SENP6: variants seen among roughly 807,000 people sequenced by gnomAD.
SENP6 encodes SUMO specific peptidase 6, also known as sentrin-specific protease 6.
In SENP6, 41 loss-of-function variants were observed where a neutral mutation model predicts 134.5. That is an observed-to-expected ratio of 0.30 (90% CI 0.24 to 0.40). The LOEUF (loss-of-function observed/expected upper bound fraction) is 0.40. SENP6 is among the 10% of genes least tolerant of loss of function. The pLI is 1.00. For missense variants in SENP6, 1,248 were observed against 1,312.5 expected (o/e 0.95, Z 0.76); for synonymous variants, 395 against 429.8 (o/e 0.92, Z 1.00).
At chr6:75,685,596 G>A (rs1279661906) in intron 16 of SENP6, among the ~76,000 whole-genome samples, 3 of 152,122 alleles carry the variant, frequency 2.0e-5, no homozygotes, top group African/African-American at 7.2e-5. Flanking sequence ...CTGGTACGTT[G>A]TGCCTTTGTT....
At chr6:75,656,400 A>C (rs1771342959) in intron 7 of SENP6, among the ~76,000 whole-genome samples, 1 of 152,078 alleles carries the variant, frequency 6.6e-6, no homozygotes, top group Non-Finnish European at 1.5e-5. Context: ...TAATCTGTTG[A>C]GGATTTGAGG....
At chr6:75,652,129 A>G (rs370713823) in intron 7 of SENP6, among the ~76,000 whole-genome samples, 3 of 152,056 alleles carry the variant, frequency 2.0e-5, no homozygotes, top group Admixed American at 2.0e-4. Context: ...GTGAGCCACA[A>G]TCGCGCCACT....
rs79789158 is a variant in SENP6 at position 75,619,582 on chromosome 6, A to T, written c.53-1950A>T. 5.5e-3 allele frequency among the ~76,000 whole-genome samples: 834 copies of T among 152,286 alleles called. 6 individuals are homozygous for T. Among genetic ancestry groups the T allele is most frequent in the African/African-American group, 0.018 (760 of 41,544 alleles). On this transcript the variant is annotated intron_variant, in intron 1 of 23. Transcript: ENST00000447266. The stretch of plus-strand genomic sequence containing the variant: ...ATAATGCTGCTATGAACATTGGCAT[A>T]CAAGTGTCTGTTTGAATACATGCTT...
At chr6:75,693,859 G>A (rs188460011) in intron 16 of SENP6, among the ~76,000 whole-genome samples, 168 of 152,166 alleles carry the variant, frequency 1.1e-3, no homozygotes, top group African/African-American at 3.8e-3. Flanking sequence ...GAGAAAGTTT[G>A]GATCATAAAT....
intron 1 of SENP6, among the ~76,000 whole-genome samples, chr6:75,612,190 C>T (rs556834494): frequency 1.3e-4 from 20 of 152,250 alleles, no homozygotes; most frequent in Non-Finnish European, 2.6e-4. Context: ...CAGATGGCCT[C>T]TGCAGCAGGG....
intron 16 of SENP6, among the ~76,000 whole-genome samples, chr6:75,691,743 T>C (rs960229114): frequency 1.3e-5 from 2 of 152,086 alleles, no homozygotes; most frequent in Non-Finnish European, 2.9e-5. Context: ...CACAGGCGCC[T>C]GCCACCAGGC....
intron 2 of SENP6, among the ~76,000 whole-genome samples, chr6:75,623,418 A>G (rs1768423514): frequency 6.6e-6 from 1 of 152,212 alleles, no homozygotes; most frequent in East Asian, 1.9e-4. Flanking sequence ...CAAGAGTGGT[A>G]GAAGTATAAC....
intron 16 of SENP6, among the ~76,000 whole-genome samples, chr6:75,684,206 A>G (rs1376435884): frequency 6.6e-6 from 1 of 152,074 alleles, no homozygotes; most frequent in Non-Finnish European, 1.5e-5. Flanking sequence ...TTTATCTGTT[A>G]ATGGTGTATA....
intron 9 of SENP6, among the ~76,000 whole-genome samples, chr6:75,665,602 G>A (rs1350141760): frequency 2.6e-5 from 4 of 152,138 alleles, no homozygotes; most frequent in African/African-American, 9.7e-5. Context: ...AGGTATAAGA[G>A]CAAATTACCA....
intron 10 of SENP6, 143 bp downstream of exon 10, chr6:75,667,084 G>A (rs918138245): frequency 8.6e-6 from 4 of 464,630 alleles, no homozygotes; most frequent in Non-Finnish European, 1.6e-5. Flanking sequence ...GAGATTATTT[G>A]GAAGAACATT....
chr6:75,662,053 AAAATAAAT>A (rs370813391), intron 8 of SENP6, among the ~76,000 whole-genome samples: 1 of 151,772 alleles, frequency 6.6e-6, no homozygotes, highest in African/African-American at 2.4e-5. Context: ...TCTCCTTCTC[AAAATAAAT>A]AAATAAATAA....
In SENP6 at chr6:75,678,858, C is replaced by T. The variant is rs1159472876; in HGVS notation, c.2006C>T (p.Thr669Ile). The T allele has an allele frequency of 6.2e-7, 1 of 1,608,376 alleles. No individual in the cohort carries two copies. Among genetic ancestry groups the T allele is most frequent in the Non-Finnish European group, 8.5e-7 (1 of 1,175,832 alleles). ...PPPAKGGISV[T>I]NEDLHCLNEG... ...CCAGCTAAGGGAGGCATCTCTGTTACCAATGAGGACCTGCACTGTCTAAAT... is the reference window on the plus strand; with the variant it reads ...CCAGCTAAGGGAGGCATCTCTGTTATCAATGAGGACCTGCACTGTCTAAAT... Residue 669 changes from threonine (T) to isoleucine (I), a missense_variant, in exon 16 of 24, where the codon ACC becomes ATC. Physicochemically the swap from Thr to Ile is moderately conservative, Grantham distance 89. Transcript: ENST00000447266.
At chr6:75,652,113 A>T (rs1276035909) in intron 7 of SENP6, among the ~76,000 whole-genome samples, 1 of 151,968 alleles carries the variant, frequency 6.6e-6, no homozygotes, top group Non-Finnish European at 1.5e-5. Context: ...GCAGGTCAAG[A>T]TTGCAGTGAG....
intron 21 of SENP6, among the ~76,000 whole-genome samples, chr6:75,711,896 C>T (rs1014296067): frequency 6.6e-6 from 1 of 152,224 alleles, no homozygotes; most frequent in Non-Finnish European, 1.5e-5. Context: ...TGATCTCAAA[C>T]TCCTGGCCTC....
chr6:75,702,450 T>C (rs2149899642), intron 18 of SENP6, among the ~76,000 whole-genome samples, 195 bp from the exon 19 acceptor site: 1 of 152,240 alleles, frequency 6.6e-6, no homozygotes, highest in South Asian at 2.1e-4. Context: ...ACTGCTGACC[T>C]CAGGTGATCC....
intron 19 of SENP6, among the ~76,000 whole-genome samples, chr6:75,705,004 T>C (rs1483664586): frequency 6.6e-6 from 1 of 152,178 alleles, no homozygotes; most frequent in African/African-American, 2.4e-5. Context: ...GGCAAAGCAA[T>C]TGTTCAGGGT....
chr6:75,711,530 C>A, intron 21 of SENP6, 114 bp downstream of exon 21: 2 of 598,054 alleles, frequency 3.3e-6, no homozygotes, highest in Non-Finnish European at 5.6e-6. Flanking sequence ...TAAATGCTGT[C>A]AGAGTCAGTG....
At chr6:75,606,401 A>AGTTTT (rs1767030209) in intron 1 of SENP6, among the ~76,000 whole-genome samples, 1 of 152,114 alleles carries the variant, frequency 6.6e-6, no homozygotes, top group Non-Finnish European at 1.5e-5. Context: ...TATGATAGAC[A>AGTTTT]GTTTTGGCAG....
chr6:75,610,401 C>T (rs183801124), intron 1 of SENP6, among the ~76,000 whole-genome samples: 1 of 152,240 alleles, frequency 6.6e-6, no homozygotes, highest in Admixed American at 6.5e-5. Flanking sequence ...TAGAATGATG[C>T]AACAATGGAT....
Sources: allele counts gnomAD v4.1 joint callset (sites outside exome capture counted in the v4.1 genomes callset), GRCh38; gene constraint gnomAD v4.1.1; transcripts MANE v1.5; gene names NCBI Gene and HGNC (gene_info 2026-07-23, HGNC 2026-07-21).